PPP3CA: variants seen among roughly 807,000 people sequenced by gnomAD.
PPP3CA encodes CAM-PRP catalytic subunit.
A neutral mutation model predicts 66.5 loss-of-function variants in PPP3CA; 14 were observed. The ratio of observed to expected loss-of-function variants is 0.21; its 90% CI spans 0.14 to 0.33. The LOEUF (loss-of-function observed/expected upper bound fraction) is 0.33, where lower values mean the gene tolerates loss of function less well. PPP3CA is among the 10% of genes least tolerant of loss of function. PPP3CA has a pLI of 1.00. For missense variants in PPP3CA, 317 were observed against 639.5 expected, an observed-to-expected ratio of 0.50 and a Z score of 5.44; for synonymous variants, 232 against 226.2, an observed-to-expected ratio of 1.03 and a Z score of -0.23.
intron 3 of PPP3CA, among the ~76,000 whole-genome samples, chr4:101,103,938 C>A (rs1167209215): frequency 6.6e-6 from 1 of 152,166 alleles, no homozygotes; most frequent in Non-Finnish European, 1.5e-5. Context: ...TTACTCAAAA[C>A]AAAATTACCT....
chr4:101,083,230 A>G lies in PPP3CA; in HGVS notation c.816T>C (p.Asn272=), dbSNP rs1169158390. The change falls in exon 7 of 14, where the codon AAT becomes AAC. Residue 272 remains asparagine, a synonymous_variant. Coordinates refer to ENST00000394854, the MANE Select transcript of PPP3CA (RefSeq NM_000944.5). ...YPAVCEFLQH[N]NLLSILRAHE... is the part of the protein sequence containing the mutation. ...GGGCTCGGAGTATAGATAACAAGTT[A>G]TTGTGCTGTAAGAATTCACATACAG... The G allele has an allele frequency of 1.2e-6, 2 of 1,608,736 alleles. No homozygotes were observed. The highest frequency in any genetic ancestry group is 1.7e-6 in the Non-Finnish European group (2 of 1,177,074).
chr4:101,219,265 T>G (rs1009012579), intron 1 of PPP3CA, among the ~76,000 whole-genome samples: 4 of 152,034 alleles, frequency 2.6e-5, no homozygotes, highest in African/African-American at 9.7e-5. Flanking sequence ...ACAGATTGCA[T>G]GCTTCACAAT....
At chr4:101,040,055 C>A (rs1269502087) in intron 11 of PPP3CA, among the ~76,000 whole-genome samples, 1 of 152,056 alleles carries the variant, frequency 6.6e-6, no homozygotes, top group East Asian at 1.9e-4. Context: ...AACATAGATT[C>A]ACATGAACAG....
chr4:101,226,750 T>C (rs1725795246), intron 1 of PPP3CA, among the ~76,000 whole-genome samples: 1 of 151,668 alleles, frequency 6.6e-6, no homozygotes, highest in South Asian at 2.1e-4. Flanking sequence ...TGTACAGACA[T>C]CCTATTTACA....
At chr4:101,129,629 C>A (rs942955473) in intron 2 of PPP3CA, among the ~76,000 whole-genome samples, 4 of 152,216 alleles carry the variant, frequency 2.6e-5, no homozygotes, top group Non-Finnish European at 5.9e-5. Flanking sequence ...CTCCAGCAAA[C>A]TCCAGCAGAC....
intron 1 of PPP3CA, among the ~76,000 whole-genome samples, chr4:101,263,572 A>G (rs1371284275): frequency 6.6e-6 from 1 of 150,628 alleles, no homozygotes; most frequent in Non-Finnish European, 1.5e-5. Context: ...TGTCAACTTT[A>G]CATTTCCATT....
intron 11 of PPP3CA, among the ~76,000 whole-genome samples, chr4:101,034,743 T>G (rs1727165090): frequency 6.6e-6 from 1 of 152,232 alleles, no homozygotes; most frequent in African/African-American, 2.4e-5. Flanking sequence ...AATTAATTAT[T>G]GTTTATTTTC....
intron 1 of PPP3CA, among the ~76,000 whole-genome samples, chr4:101,213,566 A>G (rs1210526590): frequency 6.6e-6 from 1 of 152,158 alleles, no homozygotes; most frequent in East Asian, 1.9e-4. Context: ...TGAGGTTTTC[A>G]ACTTAAAAAA....
At chr4:101,212,766 A>G (rs1160676931) in intron 1 of PPP3CA, among the ~76,000 whole-genome samples, 1 of 152,122 alleles carries the variant, frequency 6.6e-6, no homozygotes, top group East Asian at 1.9e-4. Flanking sequence ...CAATTAAACT[A>G]CTGGGCTTTT....
At chr4:101,130,753 G>C (rs535727561) in intron 2 of PPP3CA, among the ~76,000 whole-genome samples, 1 of 152,098 alleles carries the variant, frequency 6.6e-6, no homozygotes, top group Admixed American at 6.5e-5. Flanking sequence ...ACTAAATATC[G>C]AAAGGAAAAA....
chr4:101,236,562 A>G (rs920358150), intron 1 of PPP3CA, among the ~76,000 whole-genome samples: 1 of 151,986 alleles, frequency 6.6e-6, no homozygotes, highest in African/African-American at 2.4e-5. Flanking sequence ...CAATGAGAGC[A>G]AGGGGCAAGA....
chr4:101,034,856 G>A (rs1727169947), intron 11 of PPP3CA, among the ~76,000 whole-genome samples: 1 of 152,186 alleles, frequency 6.6e-6, no homozygotes, highest in Non-Finnish European at 1.5e-5. Flanking sequence ...AAAATTGGGA[G>A]TACCTCTAAA....
At chr4:101,279,693 C>G (rs560887159) in intron 1 of PPP3CA, among the ~76,000 whole-genome samples, 1 of 152,056 alleles carries the variant, frequency 6.6e-6, no homozygotes, top group Non-Finnish European at 1.5e-5. Flanking sequence ...AGGCTTTTTA[C>G]TATAAAAAGG....
At chr4:101,216,011 A>C (rs1267663952) in intron 1 of PPP3CA, among the ~76,000 whole-genome samples, 1 of 152,120 alleles carries the variant, frequency 6.6e-6, no homozygotes, top group Non-Finnish European at 1.5e-5. Flanking sequence ...ATCTTGTATT[A>C]AACAACTATC....
At chr4:101,194,538 C>T (rs1560651594) in intron 2 of PPP3CA, among the ~76,000 whole-genome samples, 1 of 152,032 alleles carries the variant, frequency 6.6e-6, no homozygotes, top group Non-Finnish European at 1.5e-5. Context: ...GATCCAAAGT[C>T]TCTGGTATTA....
intron 1 of PPP3CA, among the ~76,000 whole-genome samples, chr4:101,201,522 A>G (rs563957420): frequency 1.7e-4 from 26 of 152,346 alleles, no homozygotes; most frequent in African/African-American, 5.5e-4. Flanking sequence ...AAACGCATAC[A>G]AAATGCTGGG....
chr4:101,116,349 A>C (rs576343481), intron 2 of PPP3CA, among the ~76,000 whole-genome samples: 3 of 152,074 alleles, frequency 2.0e-5, no homozygotes, highest in African/African-American at 7.2e-5. Flanking sequence ...TAAAGAACTA[A>C]ATTTATGTCT....
intron 1 of PPP3CA, among the ~76,000 whole-genome samples, chr4:101,198,231 C>T (rs941157546): frequency 1.3e-5 from 2 of 152,096 alleles, no homozygotes; most frequent in African/African-American, 4.8e-5. Context: ...CTTTTCCTCG[C>T]TTGACTGATA....
chr4:101,328,197 G>C (rs977695833), intron 1 of PPP3CA, among the ~76,000 whole-genome samples: 4 of 152,132 alleles, frequency 2.6e-5, no homozygotes, highest in African/African-American at 9.7e-5. Flanking sequence ...CTCAACCACA[G>C]AATTTCTCAA....
Sources: gnomAD v4.1 joint callset for allele counts (sites outside exome capture counted in the v4.1 genomes callset) on GRCh38, gnomAD v4.1.1 for gene constraint, MANE v1.5 for transcripts, NCBI Gene and HGNC (gene_info 2026-07-23, HGNC 2026-07-21) for gene names.